ADGRL2: variants seen among roughly 807,000 people sequenced by gnomAD.
ADGRL2 encodes calcium-independent alpha-latrotoxin receptor 2.
A neutral mutation model predicts 157.4 loss-of-function variants in ADGRL2; 44 were observed. The observed-to-expected ratio is 0.28, with a 90% CI of 0.22 to 0.36. ADGRL2 has a LOEUF of 0.36. Ranked by LOEUF, ADGRL2 falls within the 10% of genes least tolerant of loss-of-function variation. The pLI, the probability that ADGRL2 is intolerant of heterozygous loss-of-function variation, is 1.00. For missense variants in ADGRL2, 1,510 were observed against 1,768.9 expected, an observed-to-expected ratio of 0.85 and a Z score of 2.63; for synonymous variants, 585 against 624.7, an observed-to-expected ratio of 0.94 and a Z score of 0.95.
At chr1:81,657,247 A>G (rs944244956) in intron 3 of ADGRL2, among the ~76,000 whole-genome samples, 3 of 152,070 alleles carry the variant, frequency 2.0e-5, no homozygotes, top group Admixed American at 6.6e-5. Flanking sequence ...GACCTCATGA[A>G]TGGGATTTGT....
chr1:81,916,615 T>C (rs181400482), intron 3 of ADGRL2, among the ~76,000 whole-genome samples: 20 of 152,258 alleles, frequency 1.3e-4, no homozygotes, highest in African/African-American at 4.8e-4. Flanking sequence ...GAATTGTTTT[T>C]AGTATGCTGT....
intron 1 of ADGRL2, among the ~76,000 whole-genome samples, chr1:81,412,404 A>C (rs1280716021): frequency 4.6e-5 from 7 of 152,344 alleles, no homozygotes. Context: ...TTTTGTCTAG[A>C]ATTATCTTTC....
chr1:81,506,964 A>C (rs1046157464), intron 2 of ADGRL2, among the ~76,000 whole-genome samples: 1 of 152,210 alleles, frequency 6.6e-6, no homozygotes, highest in Non-Finnish European at 1.5e-5. Context: ...TTCAGCAGTG[A>C]AGAAAACAAA....
At chr1:81,975,044 T>C (rs1018763197) in intron 17 of ADGRL2, among the ~76,000 whole-genome samples, 2 of 152,022 alleles carry the variant, frequency 1.3e-5, no homozygotes, top group African/African-American at 4.8e-5. Flanking sequence ...AACAGACTTA[T>C]CTTAAAAGAT....
chr1:81,376,361 G>C (rs1467441019), intron 1 of ADGRL2, among the ~76,000 whole-genome samples: 1 of 151,330 alleles, frequency 6.6e-6, no homozygotes, highest in Admixed American at 6.6e-5. Context: ...CTGGTATTTT[G>C]GGAACTTTTC....
intron 3 of ADGRL2, among the ~76,000 whole-genome samples, chr1:81,601,872 A>G (rs932606731): frequency 6.6e-6 from 1 of 152,206 alleles, no homozygotes; most frequent in African/African-American, 2.4e-5. Flanking sequence ...TCAGAGCCAG[A>G]AAAGTATATA....
chr1:81,885,020 T>A (rs900386066), intron 2 of ADGRL2, among the ~76,000 whole-genome samples: 1 of 152,116 alleles, frequency 6.6e-6, no homozygotes, highest in African/African-American at 2.4e-5. Context: ...GAAGTAAAAA[T>A]AATTAATATA....
At chr1:81,439,950 G>C (rs2077476917) in intron 1 of ADGRL2, among the ~76,000 whole-genome samples, 1 of 152,236 alleles carries the variant, frequency 6.6e-6, no homozygotes, top group Non-Finnish European at 1.5e-5. Context: ...CTAAAAGGCT[G>C]TCTGTTCCCC....
rs547366520 is a variant in ADGRL2 at position 81,783,327 on chromosome 1, A to T, written c.-101+21475A>T. The stretch of plus-strand genomic sequence containing the variant: ...TGTATTTTAGTAGAGACGGGGTTTC[A>T]CCGTGTTGCCCATGCTGGTCTCGAA... On this transcript the variant is annotated intron_variant, in intron 2 of 20. Transcript: ENST00000359929. 2.6e-5 allele frequency among the ~76,000 whole-genome samples: 4 copies of T among 151,484 alleles called. No individual in the cohort carries two copies. The South Asian group carries it at 8.4e-4, about 32-fold the overall frequency.
intron 2 of ADGRL2, among the ~76,000 whole-genome samples, chr1:81,898,671 A>G (rs1215425482): frequency 1.3e-5 from 2 of 152,188 alleles, no homozygotes; most frequent in Admixed American, 1.3e-4. Context: ...AGTTGGCTCC[A>G]TGAATATGCA....
intron 2 of ADGRL2, among the ~76,000 whole-genome samples, chr1:81,568,207 G>C (rs2080606558): frequency 1.3e-5 from 2 of 152,108 alleles, no homozygotes; most frequent in South Asian, 4.1e-4. Context: ...TTTCTTCCAT[G>C]CAATGTATTT....
At chr1:81,544,831 G>A (rs1403648126) in intron 2 of ADGRL2, among the ~76,000 whole-genome samples, 1 of 152,196 alleles carries the variant, frequency 6.6e-6, no homozygotes, top group Non-Finnish European at 1.5e-5. Flanking sequence ...AACTCTGACA[G>A]TGATGTATCA....
chr1:81,627,996 A>G (rs1176812999), intron 3 of ADGRL2, among the ~76,000 whole-genome samples: 2 of 152,160 alleles, frequency 1.3e-5, no homozygotes, highest in African/African-American at 2.4e-5. Flanking sequence ...TAGTCTAACA[A>G]TCATATTCAT....
chr1:81,733,986 G>A (rs2084812000), intron 1 of ADGRL2, among the ~76,000 whole-genome samples: 1 of 152,016 alleles, frequency 6.6e-6, no homozygotes, highest in African/African-American at 2.4e-5. Context: ...GAACTTAAAC[G>A]TTAAAAAAGG....
chr1:81,345,774 G>A (rs1557614305), intron 1 of ADGRL2, among the ~76,000 whole-genome samples: 1 of 151,994 alleles, frequency 6.6e-6, no homozygotes, highest in Non-Finnish European at 1.5e-5. Flanking sequence ...ATGTAAAAAC[G>A]TAAAAATGCT....
chr1:81,939,261 A>G (rs1209880570), intron 4 of ADGRL2, among the ~76,000 whole-genome samples: 1 of 151,568 alleles, frequency 6.6e-6, no homozygotes, highest in Non-Finnish European at 1.5e-5. Flanking sequence ...GTTAATATCC[A>G]TGTCAAAAGT....
chr1:81,953,815 A>G (rs2149107464), intron 10 of ADGRL2, among the ~76,000 whole-genome samples: 1 of 152,294 alleles, frequency 6.6e-6, no homozygotes, highest in South Asian at 2.1e-4. Context: ...GGGGACCATA[A>G]CCATGGTAAA....
At chr1:81,714,951 C>G (rs534426335) in intron 1 of ADGRL2, among the ~76,000 whole-genome samples, 2 of 150,808 alleles carry the variant, frequency 1.3e-5, no homozygotes, top group Non-Finnish European at 3.0e-5. Flanking sequence ...CTTATAATTT[C>G]TTTTGTTTCT....
intron 2 of ADGRL2, among the ~76,000 whole-genome samples, chr1:81,578,781 G>C (rs764582022): frequency 3.3e-5 from 5 of 151,926 alleles, no homozygotes; most frequent in African/African-American, 7.3e-5. Flanking sequence ...GGCAATAATT[G>C]GTTAGCTAAC....
Sources: gnomAD v4.1 joint callset for allele counts (sites outside exome capture counted in the v4.1 genomes callset) on GRCh38, gnomAD v4.1.1 for gene constraint, MANE v1.5 for transcripts, NCBI Gene and HGNC (gene_info 2026-07-23, HGNC 2026-07-21) for gene names.